DDB1: variants seen among roughly 807,000 people sequenced by gnomAD.
The protein encoded by DDB1 is DNA damage-binding protein 1.
Under a neutral mutation model 133.1 loss-of-function variants are expected in DDB1, and 18 were observed. That is an observed-to-expected ratio of 0.14 (90% confidence interval 0.09 to 0.20). DDB1 has a LOEUF of 0.20. DDB1 is among the 10% of genes least tolerant of loss of function. The pLI is 1.00. For missense variants in DDB1, 828 were observed against 1,459.2 expected (o/e 0.57, Z 7.05); for synonymous variants, 580 against 550.5 (o/e 1.05, Z -0.75).
intron 7 of DDB1, 31 bp downstream of exon 7, chr11:61,323,948 A>G (rs750886091): frequency 1.9e-6 from 3 of 1,613,112 alleles, no homozygotes; most frequent in African/African-American, 1.3e-5. Flanking sequence ...CTAAAAGAAC[A>G]TTGTAGAGGA....
At position 61,303,871 on chromosome 11, in the gene DDB1, A is replaced by C; in HGVS notation, c.2826T>G (p.Phe942Leu). The change falls in exon 22 of 27, where the codon TTT becomes TTG. Residue 942 changes from phenylalanine to leucine, a missense_variant. Physicochemically the swap from Phe to Leu is conservative, Grantham distance 22 (BLOSUM62 0). Transcript: ENST00000301764. ...LLAYKPMEGN[F>L]EEIARDFNPN... ...ATCCCCCCACCAGCATCACCTCTTC[A>C]AAGTTTCCTTCCATGGGCTTGTAGG... The C allele has an allele frequency of 6.2e-7, 1 of 1,613,892 alleles. No homozygotes were observed. Among genetic ancestry groups the C allele is most frequent in the East Asian group, 2.2e-5 (1 of 44,866 alleles).
At position 61,300,881 on chromosome 11, in the gene DDB1, G is replaced by A. The variant is rs764215646; in HGVS notation, c.3267C>T (p.Ile1089=). The change falls in exon 26 of 27, where the codon ATC becomes ATT. Residue 1089 remains isoleucine (I), a synonymous_variant. Coordinates refer to ENST00000301764, the MANE Select transcript of DDB1 (RefSeq NM_001923.5). The part of the protein sequence containing the change: ...ERKTEPATGF[I]DGDLIESFLD... ...GGAAACTCTCAATCAAGTCACCGTC[G>A]ATGAAACCTGTGGCTGGTTCTGTCT... 65 of 1,614,016 alleles carry A rather than the reference G, an allele frequency of 4.0e-5. No individual in the cohort carries two copies. The highest frequency in any genetic ancestry group is 4.7e-5 in the Non-Finnish European group (56 of 1,180,036).
At chr11:61,316,912 C>T (rs1245582015) in intron 10 of DDB1, among the ~76,000 whole-genome samples, 1 of 96,026 alleles carries the variant, frequency 1.0e-5, no homozygotes, top group Non-Finnish European at 2.1e-5. Flanking sequence ...ACAGCAAGAT[C>T]CTGTCTCAAA....
chr11:61,330,096 T>C (rs1474930255), intron 2 of DDB1, 22 bp from the exon 3 acceptor site: 1 of 1,583,690 alleles, frequency 6.3e-7, no homozygotes, highest in Non-Finnish European at 8.6e-7. Flanking sequence ...TATTATGCTA[T>C]CAAAAGAGGT....
rs1565039188 is a variant in DDB1, at chr11:61,329,472, C to T, written c.440G>A (p.Arg147His). 5 of 1,614,098 alleles carry T rather than the reference C, an allele frequency of 3.1e-6. No individual in the cohort carries two copies. The highest frequency in any genetic ancestry group is 1.7e-6 in the Non-Finnish European group (2 of 1,180,028). The part of the protein sequence containing the change: ...DGLFKVIPLD[R>H]DNKELKAFNI... ...GAAGGCCTTGAGTTCTTTATTATCG[C>T]GATCTAGTGGAATAACCTTGAAAAG... Residue 147 changes from arginine (R) to histidine (H), a missense_variant, in exon 4 of 27, where the codon CGC (arginine) becomes CAC (histidine). Physicochemically the swap from Arg to His is conservative, Grantham distance 29. Coordinates refer to ENST00000301764, the MANE Select transcript of DDB1 (RefSeq NM_001923.5).
At chr11:61,305,347 A>C (rs1445695353) in intron 21 of DDB1, among the ~76,000 whole-genome samples, 1 of 152,136 alleles carries the variant, frequency 6.6e-6, no homozygotes, top group East Asian at 1.9e-4. Context: ...TCTCTACTAA[A>C]AATATAAAAA....
chr11:61,303,749 C>A, intron 22 of DDB1, 116 bp downstream of exon 22: 2 of 1,045,466 alleles, frequency 1.9e-6, no homozygotes, highest in East Asian at 4.9e-5. Flanking sequence ...AATGTCTGCT[C>A]CGGGGAAAAC....
At chr11:61,310,189 C>A in intron 19 of DDB1, 106 bp downstream of exon 19, 1 of 1,508,208 alleles carries the variant, frequency 6.6e-7, no homozygotes, top group Non-Finnish European at 9.0e-7. Flanking sequence ...TTCTGCTCCT[C>A]CTAGGACAGT....
rs1436189329 is a variant in DDB1, at chr11:61,332,102, G to A, written c.62-411C>T. The A allele has an allele frequency of 7.6e-5, 4 of 52,774 alleles. 1 individual carries two copies. The East Asian group carries it at 1.7e-3, about 22-fold the overall frequency. 3.3% of individuals were successfully genotyped at this position (52,774 alleles called of 1,614,324 possible). A position where few individuals can be genotyped will look rare whatever the true frequency, so the allele number is the denominator to read the frequency against. ...ACAAAACTTTTATCTGACAGACCAA[G>A]TCAAATGAAGAAGTCCCAGAGCTTT... On this transcript the variant is annotated intron_variant, in intron 1 of 26. Coordinates refer to ENST00000301764, the MANE Select transcript of DDB1 (RefSeq NM_001923.5).
At position 61,309,854 on chromosome 11, in the gene DDB1, C is replaced by T; in HGVS notation, c.2508G>A (p.Val836=). ...GCTTGGGCTCTGCCTCTTCAGGATACACCATTGCTGTGCCCACAATGAAGT... is the reference window on the plus strand; with the variant it reads ...GCTTGGGCTCTGCCTCTTCAGGATATACCATTGCTGTGCCCACAATGAAGT... The part of the protein sequence containing the change: ...NTYFIVGTAM[V]YPEEAEPKQG... Residue 836 remains valine, a synonymous_variant, in exon 20 of 27, where the codon GTG becomes GTA. Transcript: ENST00000301764. 2 of 1,614,202 alleles carry T rather than the reference C, an allele frequency of 1.2e-6. No homozygotes were observed. The highest frequency in any genetic ancestry group is 1.6e-4 in the Middle Eastern group (1 of 6,062).
At chr11:61,321,228 G>A (rs1004571522) in intron 10 of DDB1, 8 of 156,264 alleles carry the variant, frequency 5.1e-5, no homozygotes, top group African/African-American at 2.4e-5. Flanking sequence ...AATTTAGGAA[G>A]ATTTATATTT....
chr11:61,326,238 T>C (rs1441250822), intron 5 of DDB1: 2 of 228,428 alleles, frequency 8.8e-6, no homozygotes, highest in Non-Finnish European at 1.7e-5. Flanking sequence ...TGGACAGGCA[T>C]GGGCAGGTCC....
At position 61,309,084 on chromosome 11, in the gene DDB1, G is replaced by T. The variant is rs572989656; in HGVS notation, c.2567-7C>A. On this transcript the variant is annotated splice_region_variant and splice_polypyrimidine_tract_variant and intron_variant, in intron 20 of 26. Transcript: ENST00000301764. ...GCCACAGTCTGTAGTTTTCCTGGGG[G>T]TGGAAAAAATATGTTTGAGTCTCTA... 44 of 1,613,618 alleles carry T rather than the reference G, an allele frequency of 2.7e-5. 1 individual carries two copies. The South Asian group carries it at 4.7e-4, about 17-fold the overall frequency.
At chr11:61,302,463 T>C (rs1855813921) in intron 24 of DDB1, 104 bp from the exon 25 acceptor site, 5 of 1,563,730 alleles carry the variant, frequency 3.2e-6, no homozygotes. Context: ...AGGGCTAATG[T>C]GCTGCAGCCT....
chr11:61,320,153 G>C (rs1013215687), intron 10 of DDB1, among the ~76,000 whole-genome samples: 5 of 151,298 alleles, frequency 3.3e-5, no homozygotes, highest in African/African-American at 1.2e-4. Context: ...TCTTGGGTTT[G>C]TAGTTATATG....
At chr11:61,316,073 C>T in intron 12 of DDB1, 1 of 489,856 alleles carries the variant, frequency 2.0e-6, no homozygotes, top group South Asian at 3.9e-5. Context: ...AATACACAGA[C>T]ATTTGCAGAA....
At chr11:61,308,445 C>T (rs559552736) in intron 21 of DDB1, among the ~76,000 whole-genome samples, 9 of 152,322 alleles carry the variant, frequency 5.9e-5, no homozygotes, top group South Asian at 4.1e-4. Flanking sequence ...CACCATTTCA[C>T]GTACTATGTA....
At chr11:61,318,879 A>G (rs545595454) in intron 10 of DDB1, among the ~76,000 whole-genome samples, 1 of 152,316 alleles carries the variant, frequency 6.6e-6, no homozygotes, top group East Asian at 1.9e-4. Context: ...ATGACTATCA[A>G]TTATCCCAAA....
Position 61,301,378 on chromosome 11 carries a change from C to T in DDB1, c.3216-446G>A, listed in dbSNP as rs75037679. On this transcript the variant is annotated intron_variant, in intron 25 of 26. Transcript: ENST00000301764. Reference sequence around the variant, plus strand: ...GAAGTTCAAGACCAAACCGGGGCAACATCATGAACTCCTGTCTCTACAAAA... The same window carrying T: ...GAAGTTCAAGACCAAACCGGGGCAATATCATGAACTCCTGTCTCTACAAAA... 2.0e-3 allele frequency: 304 copies of T among 153,654 alleles called. 2 individuals are homozygous for T. The highest frequency in any genetic ancestry group is 5.4e-3 in the Admixed American group (84 of 15,418). The allele number at this position is 153,654 out of a possible 1,614,324, so 9.5% of individuals were successfully genotyped here. A position where few individuals can be genotyped will look rare whatever the true frequency, so the allele number is the denominator to read the frequency against.
Sources: gnomAD v4.1 joint callset for allele counts (sites outside exome capture counted in the v4.1 genomes callset) on GRCh38, gnomAD v4.1.1 for gene constraint, MANE v1.5 for transcripts, NCBI Gene and HGNC (gene_info 2026-07-23, HGNC 2026-07-21) for gene names.